The following MGAT4A variants were observed in gnomAD, a reference collection of about 807,000 sequenced individuals.
The protein encoded by MGAT4A is N-acetylglucosaminyltransferase IVa.
A neutral mutation model predicts 74.1 loss-of-function variants in MGAT4A; 33 were observed. That is an observed-to-expected ratio of 0.45 (90% CI 0.34 to 0.60). The LOEUF (loss-of-function observed/expected upper bound fraction) is 0.60. MGAT4A is among the 20% of genes least tolerant of loss of function. The probability of loss-of-function intolerance (pLI) is 0.02; values close to 1 mark genes in which losing one functional copy is unlikely to be tolerated. For missense variants in MGAT4A, 479 were observed against 628.3 expected (o/e 0.76, Z 2.54); for synonymous variants, 198 against 210.4 (o/e 0.94, Z 0.51).
At chr2:98,720,242 AG>A (rs1368113986) in intron 2 of MGAT4A, among the ~76,000 whole-genome samples, 1 of 152,222 alleles carries the variant, frequency 6.6e-6, no homozygotes, top group Non-Finnish European at 1.5e-5. Flanking sequence ...ATGTCTGTGA[AG>A]GTATTTCTAG....
intron 2 of MGAT4A, among the ~76,000 whole-genome samples, chr2:98,720,611 C>A (rs1043053817): frequency 5.9e-5 from 8 of 134,744 alleles, no homozygotes; most frequent in Non-Finnish European, 1.1e-4. Flanking sequence ...TGTGTGCGTG[C>A]ACATGTGTTT....
In MGAT4A at chr2:98,678,470, T is replaced by C. The variant is rs746706867; in HGVS notation, c.96A>G (p.Glu32=). 11 of 1,566,354 alleles carry C rather than the reference T, an allele frequency of 7.0e-6. No homozygotes were observed. Among genetic ancestry groups the C allele is most frequent in the Middle Eastern group, 1.7e-4 (1 of 5,822 alleles). Residue 32 remains glutamate, a splice_region_variant and synonymous_variant, in exon 3 of 16, where the codon GAA becomes GAG. Transcript: ENST00000393487. ...ATTCTCGTTGATAAGCAATCAGTTTTTCTAGAAGCAAAACCAAAACAGTTA... is the reference window on the plus strand; with the variant it reads ...ATTCTCGTTGATAAGCAATCAGTTTCTCTAGAAGCAAAACCAAAACAGTTA... ...SWYTTWQNGK[E]KLIAYQREFL...
chr2:98,721,664 G>C (rs891823968), intron 2 of MGAT4A, among the ~76,000 whole-genome samples: 2 of 152,042 alleles, frequency 1.3e-5, no homozygotes, highest in Admixed American at 1.3e-4. Flanking sequence ...GACCTACATA[G>C]GAGCAACACT....
intron 8 of MGAT4A, among the ~76,000 whole-genome samples, chr2:98,652,034 A>T (rs1701586371): frequency 6.6e-6 from 1 of 152,216 alleles, no homozygotes; most frequent in Non-Finnish European, 1.5e-5. Context: ...CTAAATAAAG[A>T]TGCACCTAAT....
At chr2:98,647,130 C>T (rs1018793846) in intron 8 of MGAT4A, among the ~76,000 whole-genome samples, 1 of 152,168 alleles carries the variant, frequency 6.6e-6, no homozygotes, top group African/African-American at 2.4e-5. Flanking sequence ...GAAAGCACCA[C>T]TTGGAAACCG....
chr2:98,712,057 C>A (rs1011121501), intron 2 of MGAT4A, among the ~76,000 whole-genome samples: 1 of 152,126 alleles, frequency 6.6e-6, no homozygotes, highest in African/African-American at 2.4e-5. Flanking sequence ...TCTAACAGTC[C>A]CTGTCCCCTC....
At chr2:98,627,564 C>T (rs765646796) in intron 14 of MGAT4A, among the ~76,000 whole-genome samples, 3 of 152,106 alleles carry the variant, frequency 2.0e-5, no homozygotes, top group East Asian at 1.9e-4. Flanking sequence ...TTATTAGAGA[C>T]GGGGTTTCAC....
chr2:98,718,691 A>C lies in MGAT4A; in HGVS notation c.94+7548T>G, dbSNP rs573314338. Among the ~76,000 whole-genome samples, 8 of 152,334 alleles carry C rather than the reference A, an allele frequency of 5.3e-5. No homozygotes were observed. In the South Asian group the frequency reaches 1.7e-3, roughly 32 times the overall value. On this transcript the variant is annotated intron_variant, in intron 2 of 15. Transcript: ENST00000393487. ...TGCTGCCCCCAAATGCCTGTAGCTA[A>C]GGTTAAGTCCCAGGCAAGTGCAATT...
chr2:98,710,727 G>A (rs952552895), intron 2 of MGAT4A, among the ~76,000 whole-genome samples: 2 of 152,164 alleles, frequency 1.3e-5, no homozygotes, highest in African/African-American at 4.8e-5. Flanking sequence ...CTACCAAAGT[G>A]CTGGGATTAC....
At chr2:98,635,316 A>G in intron 13 of MGAT4A, 28 bp from the exon 14 acceptor site, 1 of 1,522,886 alleles carries the variant, frequency 6.6e-7, no homozygotes, top group Non-Finnish European at 9.0e-7. Context: ...CATTAATTTC[A>G]AAAATAATTC....
chr2:98,697,407 G>A (rs1210448419), intron 2 of MGAT4A, among the ~76,000 whole-genome samples: 1 of 152,186 alleles, frequency 6.6e-6, no homozygotes, highest in Non-Finnish European at 1.5e-5. Flanking sequence ...GGATGCAGGG[G>A]TTGGTGTGAC....
chr2:98,667,937 C>T (rs958664104), intron 4 of MGAT4A, among the ~76,000 whole-genome samples: 4 of 152,100 alleles, frequency 2.6e-5, no homozygotes, highest in Admixed American at 1.3e-4. Flanking sequence ...TCAGGCTGGT[C>T]TCGAACTCCT....
chr2:98,631,690 T>TC (rs1197766698), intron 14 of MGAT4A, among the ~76,000 whole-genome samples: 2 of 152,114 alleles, frequency 1.3e-5, no homozygotes, highest in Non-Finnish European at 2.9e-5. Flanking sequence ...CCCTTCTGGC[T>TC]CCCCCATGTG....
At chr2:98,674,168 G>C (rs1035533134) in intron 4 of MGAT4A, among the ~76,000 whole-genome samples, 1 of 152,078 alleles carries the variant, frequency 6.6e-6, no homozygotes, top group African/African-American at 2.4e-5. Context: ...AAATAAGACA[G>C]CAAAATACTT....
At chr2:98,648,151 A>G (rs1407267598) in intron 8 of MGAT4A, among the ~76,000 whole-genome samples, 2 of 152,240 alleles carry the variant, frequency 1.3e-5, no homozygotes, top group Admixed American at 6.5e-5. Context: ...AGACTTGAAT[A>G]TAAAGCAACT....
At chr2:98,681,598 C>A (rs962958857) in intron 2 of MGAT4A, among the ~76,000 whole-genome samples, 8 of 152,132 alleles carry the variant, frequency 5.3e-5, no homozygotes, top group African/African-American at 1.7e-4. Context: ...AGAATCCTAC[C>A]CTTCAGACTT....
At chr2:98,697,677 T>C (rs1702296303) in intron 2 of MGAT4A, among the ~76,000 whole-genome samples, 1 of 152,162 alleles carries the variant, frequency 6.6e-6, no homozygotes, top group Admixed American at 6.6e-5. Context: ...AATAGGTTTT[T>C]GAAAAAGCAA....
At chr2:98,662,998 T>A in intron 5 of MGAT4A, 48 bp downstream of exon 5, 1 of 1,330,618 alleles carries the variant, frequency 7.5e-7, no homozygotes, top group African/African-American at 1.5e-5. Flanking sequence ...GAGTTTCAAC[T>A]CTTATAGGCT....
rs1339271825 is a variant in MGAT4A, at chr2:98,675,087, T to C, written c.351A>G (p.Lys117=). 2.5e-6 allele frequency: 4 copies of C among 1,612,016 alleles called. No homozygotes were observed. The highest frequency in any genetic ancestry group is 3.4e-6 in the Non-Finnish European group (4 of 1,179,496). The change falls in exon 4 of 16, where the codon AAA becomes AAG. Residue 117 remains lysine, a synonymous_variant. Transcript: ENST00000393487. ...CAGCAGGTTGAAGACTTCCTTCATT[T>C]TTCAATAAATGAGGCAAATGATAAT... The part of the protein sequence containing the change: ...SIYYHLPHLL[K]NEGSLQPAVQ...
Sources: gnomAD v4.1 joint callset for allele counts (sites outside exome capture counted in the v4.1 genomes callset) on GRCh38, gnomAD v4.1.1 for gene constraint, MANE v1.5 for transcripts, NCBI Gene and HGNC (gene_info 2026-07-23, HGNC 2026-07-21) for gene names.